DDX60L: variants seen among roughly 807,000 people sequenced by gnomAD.
DDX60L encodes the protein probable ATP-dependent RNA helicase DDX60-like.
DDX60L carries 191 observed loss-of-function variants against 211.6 expected under a neutral mutation model. That is an observed-to-expected ratio of 0.90 (90% CI 0.80 to 1.02). The LOEUF is 1.02. DDX60L is among the 50% of genes least tolerant of loss of function. DDX60L has a pLI of 0.00. For missense variants in DDX60L, 2,007 were observed against 1,984.1 expected (o/e 1.01, Z -0.22); for synonymous variants, 706 against 694.1 (o/e 1.02, Z -0.27).
intron 5 of DDX60L, among the ~76,000 whole-genome samples, chr4:168,460,790 A>T (rs1156699578): frequency 6.6e-6 from 1 of 152,218 alleles, no homozygotes; most frequent in Admixed American, 6.5e-5. Context: ...TTCAGACACG[A>T]ATCACAAATG....
chr4:168,392,161 C>T (rs1167087810), intron 28 of DDX60L, among the ~76,000 whole-genome samples: 2 of 152,202 alleles, frequency 1.3e-5, no homozygotes, highest in Admixed American at 6.5e-5. Context: ...GTCTTACGTA[C>T]TCTGGACAAC....
At chr4:168,478,035 C>T (rs912297844) in intron 1 of DDX60L, among the ~76,000 whole-genome samples, 27 of 151,212 alleles carry the variant, frequency 1.8e-4, no homozygotes, top group African/African-American at 5.6e-4. Context: ...GGAGACCAAC[C>T]TGGGCAACAA....
intron 25 of DDX60L, among the ~76,000 whole-genome samples, chr4:168,403,149 G>T (rs1262605773): frequency 6.6e-6 from 1 of 152,178 alleles, no homozygotes; most frequent in Admixed American, 6.5e-5. Flanking sequence ...AAAAGAAGAA[G>T]AAATTTTCTT....
At position 168,406,612 on chromosome 4, in the gene DDX60L, G is replaced by C. The variant is rs1284251335; in HGVS notation, c.3074C>G (p.Pro1025Arg). 1 of 1,594,140 alleles carries C rather than the reference G, an allele frequency of 6.3e-7. No individual in the cohort carries two copies. Among genetic ancestry groups the C allele is most frequent in the Non-Finnish European group, 8.6e-7 (1 of 1,168,840 alleles). Reference protein sequence around the residue: ...DTMAQVWETWPRAQELCPEEF... With the variant: ...DTMAQVWETWRRAQELCPEEF... ...TATTTCTATATTTACCTGAGCCCTG[G>C]GCCAAGTTTCCCAGACTTGAGCCAT... Residue 1025 changes from proline (P) to arginine (R), a missense_variant, in exon 23 of 38, where the codon CCC becomes CGC. Coordinates refer to ENST00000682922, the MANE Select transcript of DDX60L (RefSeq NM_001012967.3).
At position 168,394,619 on chromosome 4, in the gene DDX60L, TA is replaced by T; in HGVS notation, c.3658-3del. The T allele has an allele frequency of 6.3e-7, 1 of 1,586,976 alleles. No individual in the cohort carries two copies. Among genetic ancestry groups the T allele is most frequent in the Non-Finnish European group, 8.5e-7 (1 of 1,171,766 alleles). ...TCGCGGTAATACCCTCTCCAAAGTCTAAAACAAGAAAGAAGTGTAAAACAAT... is the reference window on the plus strand; with the variant it reads ...TCGCGGTAATACCCTCTCCAAAGTCTAAACAAGAAAGAAGTGTAAAACAAT... On this transcript the variant is annotated splice_region_variant and splice_polypyrimidine_tract_variant and intron_variant, in intron 27 of 37. Transcript: ENST00000682922.
At chr4:168,363,704 C>A (rs994954726) in intron 36 of DDX60L, among the ~76,000 whole-genome samples, 2 of 151,882 alleles carry the variant, frequency 1.3e-5, no homozygotes, top group African/African-American at 4.8e-5. Context: ...AGAGCAGGCA[C>A]ACAAATGAGA....
intron 10 of DDX60L, among the ~76,000 whole-genome samples, chr4:168,433,341 C>A (rs1001650982): frequency 1.3e-5 from 2 of 151,902 alleles, no homozygotes; most frequent in African/African-American, 4.8e-5. Context: ...TAGATGGTAG[C>A]AGATCACTAG....
chr4:168,432,942 T>A, intron 11 of DDX60L, 68 bp downstream of exon 11: 2 of 915,936 alleles, frequency 2.2e-6, no homozygotes, highest in Non-Finnish European at 3.4e-6. Flanking sequence ...GACATTTTGA[T>A]GAGTCATTCA....
At chr4:168,425,961 T>G (rs1241573960) in intron 14 of DDX60L, among the ~76,000 whole-genome samples, 1 of 152,190 alleles carries the variant, frequency 6.6e-6, no homozygotes, top group Non-Finnish European at 1.5e-5. Flanking sequence ...CATTCTCTGC[T>G]GCCAGTTGGA....
At chr4:168,433,668 T>C (rs1396384982) in intron 10 of DDX60L, among the ~76,000 whole-genome samples, 1 of 152,144 alleles carries the variant, frequency 6.6e-6, no homozygotes. Context: ...AAACTGTAGA[T>C]GAAAAAATAT....
At chr4:168,433,844 T>C (rs1752683718) in intron 10 of DDX60L, among the ~76,000 whole-genome samples, 2 of 152,228 alleles carry the variant, frequency 1.3e-5, no homozygotes, top group Non-Finnish European at 2.9e-5. Flanking sequence ...ATGATGCCAG[T>C]AAACTCAGTT....
At chr4:168,367,668 G>T (rs28854922) in intron 36 of DDX60L, among the ~76,000 whole-genome samples, 3,737 of 152,292 alleles carry the variant, frequency 0.025, 171 homozygotes, top group African/African-American at 0.084. Context: ...ATAGGAAAAC[G>T]TGGGAAAGTT....
At chr4:168,379,324 T>C (rs144816937) in intron 32 of DDX60L, 39 bp downstream of exon 32, 1 of 1,479,186 alleles carries the variant, frequency 6.8e-7, no homozygotes, top group Non-Finnish European at 9.0e-7. Flanking sequence ...AATAAATATG[T>C]TGCCATTTTT....
intron 20 of DDX60L, 62 bp downstream of exon 20, chr4:168,416,620 T>C (rs1439256265): frequency 2.1e-6 from 2 of 960,038 alleles, no homozygotes; most frequent in Admixed American, 2.7e-5. Context: ...CTTCAGACCA[T>C]ATAGACAGTA....
intron 8 of DDX60L, among the ~76,000 whole-genome samples, chr4:168,452,467 T>C (rs544034700): frequency 1.5e-4 from 23 of 152,336 alleles, no homozygotes; most frequent in African/African-American, 5.1e-4. Context: ...AGTGAATGGG[T>C]ACCCCATTCT....
chr4:168,447,389 C>A (rs1164960063), intron 9 of DDX60L, among the ~76,000 whole-genome samples: 1 of 146,854 alleles, frequency 6.8e-6, no homozygotes, highest in Admixed American at 6.9e-5. Context: ...ACAACAGGTG[C>A]TGGAGAGGAT....
At chr4:168,446,034 A>G (rs913907062) in intron 9 of DDX60L, among the ~76,000 whole-genome samples, 1 of 149,554 alleles carries the variant, frequency 6.7e-6, no homozygotes, top group Non-Finnish European at 1.5e-5. Flanking sequence ...GGCCAGGGCA[A>G]TTAGGCAGGA....
At chr4:168,473,645 T>C (rs1265275048) in intron 1 of DDX60L, among the ~76,000 whole-genome samples, 2 of 152,148 alleles carry the variant, frequency 1.3e-5, no homozygotes, top group African/African-American at 4.8e-5. Flanking sequence ...AATAGAACTA[T>C]CAAGTCATTT....
chr4:168,366,524 A>C (rs1441086333), intron 36 of DDX60L, among the ~76,000 whole-genome samples: 1 of 152,128 alleles, frequency 6.6e-6, no homozygotes, highest in African/African-American at 2.4e-5. Context: ...CAGGGAATGA[A>C]AAAAATAGTA....
Sources: allele counts gnomAD v4.1 joint callset (sites outside exome capture counted in the v4.1 genomes callset), GRCh38; gene constraint gnomAD v4.1.1; transcripts MANE v1.5; gene names NCBI Gene and HGNC (gene_info 2026-07-23, HGNC 2026-07-21).